The following SOX5 variants were observed in gnomAD, a reference collection of about 807,000 sequenced individuals.
The protein encoded by SOX5 is SRY-box transcription factor 5.
Under a neutral mutation model 92.0 loss-of-function variants are expected in SOX5, and 9 were observed. The observed-to-expected ratio is 0.10, with a 90% CI of 0.06 to 0.17. SOX5 has a LOEUF of 0.17. Among genes scored for constraint, SOX5 ranks in the 10% least tolerant of loss-of-function variants. The pLI, the probability that SOX5 is intolerant of heterozygous loss-of-function variation, is 1.00. For synonymous variants in SOX5, 344 were observed against 336.3 expected, an observed-to-expected ratio of 1.02 and a Z score of -0.25; for missense variants, 642 against 944.5, an observed-to-expected ratio of 0.68 and a Z score of 4.20.
chr12:24,367,880 A>C (rs1001932620), intron 2 of SOX5: 3 of 152,160 alleles, frequency 2.0e-5, no homozygotes, highest in African/African-American at 7.2e-5. Context: ...CCTACAATGA[A>C]CTATAAAAGA....
chr12:24,103,029 C>T (rs11047259), intron 4 of SOX5, among the ~76,000 whole-genome samples: 2 of 152,070 alleles, frequency 1.3e-5, no homozygotes, highest in African/African-American at 2.4e-5. Context: ...AACATAGGAA[C>T]GGTGAGGATG....
At chr12:23,564,099 ACT>A (rs1489338775) in intron 10 of SOX5, among the ~76,000 whole-genome samples, 1 of 152,128 alleles carries the variant, frequency 6.6e-6, no homozygotes, top group Non-Finnish European at 1.5e-5. Context: ...CTTAATTCAC[ACT>A]CTTAATAAGA....
chr12:23,736,612 G>A (rs766031760), intron 5 of SOX5, among the ~76,000 whole-genome samples: 7 of 151,446 alleles, frequency 4.6e-5, no homozygotes, highest in African/African-American at 7.3e-5. Context: ...TATGGATGAT[G>A]GTTTAATTAT....
chr12:23,891,957 C>T (rs2137543526), intron 2 of SOX5, among the ~76,000 whole-genome samples: 2 of 152,124 alleles, frequency 1.3e-5, no homozygotes, highest in South Asian at 4.1e-4. Context: ...TACTGTCCTT[C>T]ACTACTCTGC....
chr12:24,461,262 T>TTCAA (rs1555305633), intron 1 of SOX5, among the ~76,000 whole-genome samples: 7 of 152,048 alleles, frequency 4.6e-5, no homozygotes, highest in Non-Finnish European at 1.0e-4. Flanking sequence ...AAGCTGGTCA[T>TTCAA]TTAAGTCAGA....
intron 1 of SOX5, among the ~76,000 whole-genome samples, chr12:24,531,459 G>A (rs2138655117): frequency 6.6e-6 from 1 of 152,146 alleles, no homozygotes; most frequent in Admixed American, 6.5e-5. Context: ...AAAAACACAT[G>A]AAATATATTG....
chr12:23,937,970 CT>C (rs1028290569), intron 1 of SOX5, among the ~76,000 whole-genome samples: 111 of 147,550 alleles, frequency 7.5e-4, no homozygotes, highest in African/African-American at 2.3e-3. Flanking sequence ...AAAATGTGCG[CT>C]TTTTTTTTTC....
chr12:24,188,382 C>T (rs1165029536), intron 4 of SOX5, among the ~76,000 whole-genome samples: 1 of 152,054 alleles, frequency 6.6e-6, no homozygotes, highest in East Asian at 1.9e-4. Context: ...AATGATATAT[C>T]TATTATGTAT....
intron 4 of SOX5, among the ~76,000 whole-genome samples, chr12:24,201,280 G>C (rs1424229341): frequency 6.6e-6 from 1 of 151,720 alleles, no homozygotes; most frequent in South Asian, 2.1e-4. Flanking sequence ...TTTATATTTT[G>C]TTATGTTTTA....
chr12:24,162,251 C>T (rs1260025647), intron 4 of SOX5, among the ~76,000 whole-genome samples: 1 of 152,076 alleles, frequency 6.6e-6, no homozygotes, highest in Non-Finnish European at 1.5e-5. Flanking sequence ...ATCAGGTACT[C>T]TAAAATCTCT....
At chr12:23,711,712 G>A (rs374245336) in intron 6 of SOX5, among the ~76,000 whole-genome samples, 74 of 152,156 alleles carry the variant, frequency 4.9e-4, no homozygotes, top group African/African-American at 1.7e-3. Flanking sequence ...ATTACAATTG[G>A]AAAATGGAAC....
intron 4 of SOX5, among the ~76,000 whole-genome samples, chr12:23,994,046 C>T (rs1175925409): frequency 2.0e-5 from 3 of 151,772 alleles, no homozygotes; most frequent in African/African-American, 7.3e-5. Flanking sequence ...CTCAGGAGGT[C>T]GAGGCTGCAA....
chr12:24,341,450 C>T (rs996374594), intron 2 of SOX5, among the ~76,000 whole-genome samples: 1 of 152,228 alleles, frequency 6.6e-6, no homozygotes, highest in African/African-American at 2.4e-5. Flanking sequence ...TTCACTCCAC[C>T]TGGGTGACAG....
chr12:23,590,050 T>C (rs1951307296), intron 9 of SOX5, among the ~76,000 whole-genome samples: 1 of 151,996 alleles, frequency 6.6e-6, no homozygotes, highest in African/African-American at 2.4e-5. Flanking sequence ...TAGAATTCTA[T>C]ATAGAAATGA....
intron 3 of SOX5, among the ~76,000 whole-genome samples, chr12:24,273,816 G>T (rs1015646784): frequency 6.6e-6 from 1 of 151,944 alleles, no homozygotes; most frequent in Non-Finnish European, 1.5e-5. Flanking sequence ...GTTCATTTAG[G>T]TTATAAATTT....
In SOX5 at chr12:24,330,825, A is replaced by T. The variant is rs184129197; in HGVS notation, c.-174+37738T>A. On this transcript the variant is annotated intron_variant, in intron 2 of 4. Transcript: ENST00000446891. Reference sequence around the variant, plus strand: ...TCGCCTCTGAAATTCCACTGAGATGAGTAAAAGCATTTTCTAAATGTTGCA... The same window carrying T: ...TCGCCTCTGAAATTCCACTGAGATGTGTAAAAGCATTTTCTAAATGTTGCA... Among the ~76,000 whole-genome samples, 284 of 152,370 alleles carry T rather than the reference A, an allele frequency of 1.9e-3. 2 individuals are homozygous for T. Among genetic ancestry groups the T allele is most frequent in the African/African-American group, 6.5e-3 (269 of 41,590 alleles).
At chr12:23,933,161 C>T (rs888743394) in intron 1 of SOX5, among the ~76,000 whole-genome samples, 1 of 151,690 alleles carries the variant, frequency 6.6e-6, no homozygotes, top group Non-Finnish European at 1.5e-5. Flanking sequence ...CAGAAATACA[C>T]AATTCATATG....
chr12:24,500,663 T>C (rs922515149), intron 1 of SOX5, among the ~76,000 whole-genome samples: 3 of 152,224 alleles, frequency 2.0e-5, no homozygotes, highest in African/African-American at 7.2e-5. Context: ...TTGAAGAATA[T>C]TGCCTTTCAA....
At chr12:24,039,937 C>T (rs1400702596) in intron 4 of SOX5, among the ~76,000 whole-genome samples, 2 of 152,098 alleles carry the variant, frequency 1.3e-5, no homozygotes, top group East Asian at 3.8e-4. Context: ...CACTTGTTTC[C>T]CAGCCTTGCT....
Sources: allele counts gnomAD v4.1 joint callset (sites outside exome capture counted in the v4.1 genomes callset), GRCh38; gene constraint gnomAD v4.1.1; transcripts MANE v1.5; gene names NCBI Gene and HGNC (gene_info 2026-07-23, HGNC 2026-07-21).